GPR155: variants seen among roughly 807,000 people sequenced by gnomAD.
The protein encoded by GPR155 is lysosomal cholesterol signaling protein.
Under a neutral mutation model 93.1 loss-of-function variants are expected in GPR155, and 65 were observed. The ratio of observed to expected loss-of-function variants is 0.70; its 90% CI spans 0.57 to 0.86. GPR155 has a LOEUF of 0.86. Among genes scored for constraint, GPR155 ranks in the 40% least tolerant of loss-of-function variants. The pLI is 0.00. For missense variants in GPR155, 838 were observed against 1,034.8 expected, an observed-to-expected ratio of 0.81 and a Z score of 2.61; for synonymous variants, 319 against 360.1, an observed-to-expected ratio of 0.89 and a Z score of 1.29.
chr2:174,462,387 T>C (rs1687725132), intron 7 of GPR155, among the ~76,000 whole-genome samples: 1 of 152,214 alleles, frequency 6.6e-6, no homozygotes, highest in African/African-American at 2.4e-5. Context: ...CTTGGTTCAC[T>C]GCAACCTCTG....
rs1472024996 is a variant in GPR155 at position 174,432,195 on chromosome 2, G to C, written c.*3921C>G. 1.3e-5 allele frequency: 2 copies of C among 152,586 alleles called. No individual in the cohort carries two copies. Among genetic ancestry groups the C allele is most frequent in the Non-Finnish European group, 2.9e-5 (2 of 68,036 alleles). The allele number at this position is 152,586 out of a possible 1,614,324, so 9.5% of individuals were successfully genotyped here. The stretch of plus-strand genomic sequence containing the variant: ...ATGTATAGAAAAGACCTCTATGATG[G>C]CTTCTGCATTATTCAGATTACTCAA... On this transcript the variant is annotated 3_prime_UTR_variant, in exon 16 of 16. Transcript: ENST00000392552.
At position 174,460,004 on chromosome 2, in the gene GPR155, C is replaced by G. The variant is rs774786417; in HGVS notation, c.1645G>C (p.Gly549Arg). The G allele has an allele frequency of 6.2e-7, 1 of 1,614,008 alleles. No homozygotes were observed. Among genetic ancestry groups the G allele is most frequent in the Admixed American group, 1.7e-5 (1 of 59,994 alleles). Residue 549 changes from glycine to arginine, a missense_variant, in exon 10 of 16, where the codon GGA becomes CGA. Gly to Arg is a moderately radical substitution (Grantham distance 125). This residue lies in a region of GPR155 where 663 missense variants were observed against 790.1 expected (regional missense o/e 0.84). Transcript: ENST00000392552. ...GACTGATCGAAACCTTCATAGCTTC[C>G]TGCTTGGGCAGTCTGGTTCATGCAC... ...LMCMNQTAQA[G>R]SYEGFDQSQS... is the part of the protein sequence containing the mutation.
chr2:174,444,372 G>A (rs908690579), intron 13 of GPR155, among the ~76,000 whole-genome samples: 4 of 146,946 alleles, frequency 2.7e-5, no homozygotes, highest in Non-Finnish European at 4.5e-5. Context: ...CTGAGATCAC[G>A]CCATTGCACT....
intron 11 of GPR155, among the ~76,000 whole-genome samples, chr2:174,447,276 G>A (rs988765246): frequency 7.3e-5 from 11 of 150,452 alleles, no homozygotes; most frequent in African/African-American, 2.4e-4. Context: ...GGCAGAGGTT[G>A]TGGTGAGCCA....
chr2:174,483,967 C>T (rs1311249955), intron 1 of GPR155, among the ~76,000 whole-genome samples: 1 of 152,152 alleles, frequency 6.6e-6, no homozygotes, highest in African/African-American at 2.4e-5. Context: ...AAAGCTCATG[C>T]TTCCAGAAAT....
At chr2:174,473,385 T>C (rs1345183465) in intron 2 of GPR155, 21 bp from the exon 3 acceptor site, 1 of 1,464,000 alleles carries the variant, frequency 6.8e-7, no homozygotes, top group Non-Finnish European at 9.4e-7. Context: ...AGAATATTGA[T>C]TTTTAAATGA....
chr2:174,486,567 G>T (rs887288772), intron 1 of GPR155, among the ~76,000 whole-genome samples: 1 of 152,228 alleles, frequency 6.6e-6, no homozygotes, highest in Non-Finnish European at 1.5e-5. Context: ...AAAGGGAAGA[G>T]TCTAAGAAAG....
chr2:174,440,856 TG>T (rs1419022726), intron 14 of GPR155, among the ~76,000 whole-genome samples: 1 of 152,162 alleles, frequency 6.6e-6, no homozygotes, highest in East Asian at 1.9e-4. Flanking sequence ...TTCACTAAGC[TG>T]ATAAAAAAAC....
chr2:174,465,182 A>G (rs1687803738), intron 7 of GPR155, among the ~76,000 whole-genome samples: 1 of 152,080 alleles, frequency 6.6e-6, no homozygotes, highest in Admixed American at 6.5e-5. Flanking sequence ...TTCTATTTCC[A>G]TGCCTTTTTA....
intron 12 of GPR155, chr2:174,445,382 T>A: frequency 2.1e-6 from 1 of 466,382 alleles, no homozygotes. Context: ...AACAGTTATC[T>A]ATTCTGATCA....
At chr2:174,446,914 G>T (rs967670015) in intron 11 of GPR155, among the ~76,000 whole-genome samples, 167 bp from the exon 12 acceptor site, 2 of 152,094 alleles carry the variant, frequency 1.3e-5, no homozygotes, top group Non-Finnish European at 2.9e-5. Context: ...TGCTTTAGAA[G>T]AATTCTAGCT....
intron 14 of GPR155, 139 bp from the exon 15 acceptor site, chr2:174,440,174 TAGTCTC>T (rs1050670888): frequency 1.1e-5 from 7 of 628,550 alleles, no homozygotes; most frequent in Non-Finnish European, 1.9e-5. Context: ...CAGACATCGT[TAGTCTC>T]AGAAGCAAAA....
intron 2 of GPR155, among the ~76,000 whole-genome samples, chr2:174,478,518 C>T (rs1485944018): frequency 2.0e-5 from 3 of 152,166 alleles, no homozygotes; most frequent in African/African-American, 4.8e-5. Flanking sequence ...CCATGTCCAG[C>T]CTTCTTTTTT....
intron 12 of GPR155, among the ~76,000 whole-genome samples, chr2:174,445,611 C>A (rs1037549308): frequency 1.3e-5 from 2 of 152,186 alleles, no homozygotes; most frequent in Non-Finnish European, 2.9e-5. Context: ...TCACGAGCAT[C>A]CCAGTGTGCA....
At chr2:174,448,294 T>G (rs945130226) in intron 11 of GPR155, among the ~76,000 whole-genome samples, 3 of 152,134 alleles carry the variant, frequency 2.0e-5, no homozygotes, top group Admixed American at 1.3e-4. Flanking sequence ...GGGAATTGCT[T>G]GAACCTGGGA....
rs1313974547 is a variant in GPR155 at position 174,431,928 on chromosome 2, T to C, written c.*4188A>G. ...CACAAGCTAGGCATGGAGTTACTCA[T>C]TGAGAGTTAAGAAAACAATTGACTA... is the stretch of plus-strand genomic sequence containing the variant. On this transcript the variant is annotated 3_prime_UTR_variant, in exon 16 of 16. Coordinates refer to ENST00000392552, the MANE Select transcript of GPR155 (RefSeq NM_152529.7). The C allele has an allele frequency of 6.6e-6, 1 of 152,226 alleles. No individual in the cohort carries two copies. Among genetic ancestry groups the C allele is most frequent in the Non-Finnish European group, 1.5e-5 (1 of 68,034 alleles). 9.4% of individuals were successfully genotyped at this position (152,226 alleles called of 1,614,324 possible). A position where few individuals can be genotyped will look rare whatever the true frequency, so the allele number is the denominator to read the frequency against.
At chr2:174,476,994 C>T (rs868844281) in intron 2 of GPR155, among the ~76,000 whole-genome samples, 16 of 152,098 alleles carry the variant, frequency 1.1e-4, no homozygotes, top group Admixed American at 6.6e-4. Context: ...GCCCTCAGTC[C>T]CTGGCATAAT....
chr2:174,444,035 T>C (rs1487956412), intron 13 of GPR155, among the ~76,000 whole-genome samples: 1 of 152,238 alleles, frequency 6.6e-6, no homozygotes, highest in African/African-American at 2.4e-5. Flanking sequence ...AGCCAAAATT[T>C]ATTTATATAC....
At chr2:174,475,019 G>C (rs1022661591) in intron 2 of GPR155, among the ~76,000 whole-genome samples, 3 of 152,052 alleles carry the variant, frequency 2.0e-5, no homozygotes, top group African/African-American at 7.2e-5. Flanking sequence ...TTCTCGGCCG[G>C]GCGCGGTGGC....
Sources: allele counts gnomAD v4.1 joint callset (sites outside exome capture counted in the v4.1 genomes callset), GRCh38; gene constraint gnomAD v4.1.1; regional missense constraint gnomAD v4.1.1; transcripts MANE v1.5; gene names NCBI Gene and HGNC (gene_info 2026-07-23, HGNC 2026-07-21).